The following LARGE1 variants were observed in gnomAD, a reference collection of about 807,000 sequenced individuals.
The protein encoded by LARGE1 is xylosyl- and glucuronyltransferase LARGE1.
In LARGE1, 43 loss-of-function variants were observed where a neutral mutation model predicts 87.6. The ratio of observed to expected loss-of-function variants is 0.49; its 90% CI spans 0.38 to 0.63. The LOEUF (loss-of-function observed/expected upper bound fraction) is 0.63. Ranked by LOEUF, LARGE1 falls within the 30% of genes least tolerant of loss-of-function variation. LARGE1 has a pLI of 0.00. For missense variants in LARGE1, 802 were observed against 1,000.2 expected (o/e 0.80, Z 2.67); for synonymous variants, 434 against 394.6 (o/e 1.10, Z -1.18).
intron 2 of LARGE1, among the ~76,000 whole-genome samples, chr22:33,734,325 G>C (rs1040338029): frequency 6.6e-6 from 1 of 152,160 alleles, no homozygotes; most frequent in African/African-American, 2.4e-5. Flanking sequence ...GTGATGTGTT[G>C]GATCTTGAAA....
At chr22:33,614,905 C>T (rs370273237) in intron 4 of LARGE1, among the ~76,000 whole-genome samples, 2 of 152,196 alleles carry the variant, frequency 1.3e-5, no homozygotes, top group African/African-American at 4.8e-5. Flanking sequence ...GGGTGCAGTT[C>T]CAGGGTTGAG....
intron 6 of LARGE1, among the ~76,000 whole-genome samples, chr22:33,461,617 T>G (rs1477701755): frequency 3.4e-5 from 5 of 147,944 alleles, no homozygotes; most frequent in Non-Finnish European, 7.4e-5. Flanking sequence ...CAAACCTGCA[T>G]GTTGTGCACA....
At chr22:33,588,324 A>G (rs1283258224) in intron 5 of LARGE1, among the ~76,000 whole-genome samples, 1 of 152,232 alleles carries the variant, frequency 6.6e-6, no homozygotes, top group African/African-American at 2.4e-5. Context: ...AAGATAACCT[A>G]TAGAAGGGGA....
At chr22:33,397,112 C>T (rs1350942128) in intron 7 of LARGE1, among the ~76,000 whole-genome samples, 2 of 151,984 alleles carry the variant, frequency 1.3e-5, no homozygotes, top group Non-Finnish European at 2.9e-5. Context: ...ATCATCTTGC[C>T]TTTTTTCTTT....
At chr22:33,523,357 C>T (rs1233819980) in intron 6 of LARGE1, among the ~76,000 whole-genome samples, 3 of 152,036 alleles carry the variant, frequency 2.0e-5, no homozygotes, top group African/African-American at 7.2e-5. Context: ...TTTTGCGAGG[C>T]AGAAGTTGCT....
chr22:33,538,831 A>G (rs2077110188), intron 6 of LARGE1, among the ~76,000 whole-genome samples: 1 of 152,180 alleles, frequency 6.6e-6, no homozygotes, highest in South Asian at 2.1e-4. Context: ...CTCCTCTCTG[A>G]TTGCTGGCAA....
At chr22:33,497,071 CT>C (rs5845088) in intron 6 of LARGE1, among the ~76,000 whole-genome samples, 158 of 133,902 alleles carry the variant, frequency 1.2e-3, no homozygotes, top group South Asian at 2.2e-3. Flanking sequence ...CTTTTCTTTT[CT>C]TTTTTTTTTT....
intron 6 of LARGE1, among the ~76,000 whole-genome samples, chr22:33,525,170 T>C (rs2071821542): frequency 1.3e-5 from 2 of 152,226 alleles, no homozygotes; most frequent in African/African-American, 4.8e-5. Flanking sequence ...CCTGACTCCA[T>C]TCTGCAGGTC....
chr22:33,204,312 G>T (rs1924576338), intron 11 of LARGE1, among the ~76,000 whole-genome samples: 1 of 152,056 alleles, frequency 6.6e-6, no homozygotes. Flanking sequence ...ATATAATAAT[G>T]GTTATTATGT....
chr22:33,169,523 T>C (rs1284528794), intron 11 of LARGE1, among the ~76,000 whole-genome samples: 4 of 152,146 alleles, frequency 2.6e-5, no homozygotes, highest in Non-Finnish European at 4.4e-5. Flanking sequence ...AAGTGAATAA[T>C]TGAACCTCAG....
intron 9 of LARGE1, among the ~76,000 whole-genome samples, chr22:33,357,559 C>T (rs1014689368): frequency 6.6e-6 from 1 of 152,088 alleles, no homozygotes; most frequent in South Asian, 2.1e-4. Flanking sequence ...CTTTGGGAGG[C>T]TGAGTCAGGC....
At chr22:33,752,990 G>C (rs1187707548) in intron 2 of LARGE1, among the ~76,000 whole-genome samples, 2 of 152,238 alleles carry the variant, frequency 1.3e-5, no homozygotes, top group African/African-American at 2.4e-5. Flanking sequence ...GGGAGGCCAA[G>C]GCGGGTGGAT....
At position 33,897,535 on chromosome 22, in the gene LARGE1, G is replaced by A. The variant is rs559966715; in HGVS notation, c.-83+22460C>T. ...AGGGCAGCATGACGGGAATACGCAA[G>A]GGAGGCAGCCCTTATCTAGATCTAT... On this transcript the variant is annotated intron_variant, in intron 1 of 14. Transcript: ENST00000397394. 2.2e-3 allele frequency among the ~76,000 whole-genome samples: 330 copies of A among 152,256 alleles called. 3 individuals are homozygous for A. Among genetic ancestry groups the A allele is most frequent in the African/African-American group, 7.5e-3 (312 of 41,560 alleles).
chr22:33,519,998 CTTTT>C (rs397868082), intron 6 of LARGE1, among the ~76,000 whole-genome samples: 3 of 97,252 alleles, frequency 3.1e-5, no homozygotes, highest in Admixed American at 1.1e-4. Flanking sequence ...TGGTTTTTCT[CTTTT>C]TTTTTTTTTT....
Position 33,391,040 on chromosome 22 carries a change from C to T in LARGE1, c.893-6736G>A, listed in dbSNP as rs922239820. On this transcript the variant is annotated intron_variant, in intron 7 of 14. Transcript: ENST00000397394. ...TAGAGACAGGGTTACACTATGTTGGCCAGGCTGCTCTCGAACTCCTGACCT... is the reference window on the plus strand; with the variant it reads ...TAGAGACAGGGTTACACTATGTTGGTCAGGCTGCTCTCGAACTCCTGACCT... 3.3e-5 allele frequency among the ~76,000 whole-genome samples: 5 copies of T among 152,076 alleles called. No homozygotes were observed. In the East Asian group the frequency reaches 7.7e-4, roughly 23 times the overall value.
At chr22:33,651,223 T>TAAAAAAAAAAAAAAAAAAAAAA (rs1371688457) in intron 2 of LARGE1, among the ~76,000 whole-genome samples, 2 of 17,144 alleles carry the variant, frequency 1.2e-4, no homozygotes, top group Non-Finnish European at 2.3e-4. Flanking sequence ...CTACTAAAAA[T>TAAAAAAAAAAAAAAAAAAAAAA]ACAAAAAAAA....
At chr22:33,780,055 T>G (rs540797160) in intron 1 of LARGE1, among the ~76,000 whole-genome samples, 1 of 152,184 alleles carries the variant, frequency 6.6e-6, no homozygotes, top group Non-Finnish European at 1.5e-5. Flanking sequence ...GAAAGATCTG[T>G]TCCTGGCCTC....
intron 6 of LARGE1, among the ~76,000 whole-genome samples, chr22:33,548,650 G>C (rs2077436188): frequency 6.6e-6 from 1 of 152,144 alleles, no homozygotes; most frequent in Non-Finnish European, 1.5e-5. Context: ...CCCAACCTCA[G>C]GTGATCCGCC....
intron 13 of LARGE1, among the ~76,000 whole-genome samples, chr22:33,277,482 G>A (rs965235645): frequency 3.3e-5 from 5 of 152,218 alleles, no homozygotes; most frequent in African/African-American, 1.2e-4. Context: ...AGATCACAGT[G>A]GATTGGGGTG....
Sources: allele counts gnomAD v4.1 joint callset (sites outside exome capture counted in the v4.1 genomes callset), GRCh38; gene constraint gnomAD v4.1.1; transcripts MANE v1.5; gene names NCBI Gene and HGNC (gene_info 2026-07-23, HGNC 2026-07-21).